NCKAP5: variants seen among roughly 807,000 people sequenced by gnomAD.
NCKAP5 encodes the protein NCK associated protein 5, also known as nck-associated protein 5.
NCKAP5 carries 92 observed loss-of-function variants against 167.0 expected under a neutral mutation model. The ratio of observed to expected loss-of-function variants is 0.55; its 90% CI spans 0.47 to 0.66. NCKAP5 has a LOEUF of 0.66. Ranked by LOEUF, NCKAP5 falls within the 30% of genes least tolerant of loss-of-function variation. The pLI, the probability that NCKAP5 is intolerant of heterozygous loss-of-function variation, is 0.00. For synonymous variants in NCKAP5, 891 were observed against 877.4 expected (o/e 1.02, Z -0.27); for missense variants, 2,378 against 2,315.0 (o/e 1.03, Z -0.56).
intron 5 of NCKAP5, among the ~76,000 whole-genome samples, chr2:133,191,109 CA>C (rs1482263029): frequency 1.3e-5 from 2 of 152,042 alleles, no homozygotes; most frequent in Admixed American, 6.6e-5. Context: ...AAAAAGTGAG[CA>C]AAGGAGATCA....
intron 6 of NCKAP5, among the ~76,000 whole-genome samples, chr2:133,124,735 T>G (rs1330680100): frequency 6.6e-6 from 1 of 152,232 alleles, no homozygotes; most frequent in East Asian, 1.9e-4. Flanking sequence ...AGTGTTTGTT[T>G]CCTGTTGAAA....
At chr2:133,567,657 CTGTGTGTGTG>C (rs3050985) in intron 1 of NCKAP5, among the ~76,000 whole-genome samples, 18,247 of 130,938 alleles carry the variant, frequency 0.14, 1,280 homozygotes, top group Middle Eastern at 0.3. Context: ...ATGAATGAGC[CTGTGTGTGTG>C]TGTGTGTGTG....
At chr2:133,170,643 T>C (rs995399785) in intron 5 of NCKAP5, among the ~76,000 whole-genome samples, 3 of 152,184 alleles carry the variant, frequency 2.0e-5, no homozygotes, top group Admixed American at 6.5e-5. Flanking sequence ...AAGAGAAATG[T>C]CATTCTGCCC....
chr2:133,118,650 G>A (rs2082158333), intron 6 of NCKAP5: 1 of 152,130 alleles, frequency 6.6e-6, no homozygotes, highest in Non-Finnish European at 1.5e-5. Context: ...ATAAAAGTCT[G>A]TAATCAAGTG....
At chr2:133,312,678 C>T (rs1681329927) in intron 3 of NCKAP5, among the ~76,000 whole-genome samples, 1 of 152,196 alleles carries the variant, frequency 6.6e-6, no homozygotes, top group Non-Finnish European at 1.5e-5. Flanking sequence ...TCTACTGACC[C>T]TAGTCTTTCT....
chr2:133,517,242 T>C (rs1441721448), intron 3 of NCKAP5, among the ~76,000 whole-genome samples: 1 of 152,244 alleles, frequency 6.6e-6, no homozygotes, highest in Non-Finnish European at 1.5e-5. Context: ...GTTGACAGAT[T>C]ATGACATTTG....
At chr2:133,498,399 G>A (rs2151378206) in intron 3 of NCKAP5, among the ~76,000 whole-genome samples, 1 of 150,582 alleles carries the variant, frequency 6.6e-6, no homozygotes, top group East Asian at 2.0e-4. Flanking sequence ...AAGAAAGGAT[G>A]AAAAGGGAGG....
intron 3 of NCKAP5, among the ~76,000 whole-genome samples, chr2:133,466,814 C>T (rs1189577565): frequency 1.3e-5 from 2 of 151,764 alleles, no homozygotes; most frequent in Non-Finnish European, 2.9e-5. Context: ...CTCTGTTTGT[C>T]TGTTGTTGGT....
chr2:132,793,776 T>A (rs987907955), intron 12 of NCKAP5, among the ~76,000 whole-genome samples: 7 of 152,104 alleles, frequency 4.6e-5, no homozygotes, highest in African/African-American at 1.7e-4. Context: ...ACAGAGTAAT[T>A]CCTTGCAAAG....
At chr2:133,028,160 T>C (rs948411858) in intron 6 of NCKAP5, among the ~76,000 whole-genome samples, 2 of 152,188 alleles carry the variant, frequency 1.3e-5, no homozygotes, top group Admixed American at 1.3e-4. Flanking sequence ...GAATAAGGGA[T>C]ACTTATCTTG....
rs112696246 is a variant in NCKAP5, at chr2:133,337,685, A to C, written c.70-34575T>G. Among the ~76,000 whole-genome samples, 1,477 of 152,298 alleles carry C rather than the reference A, an allele frequency of 9.7e-3. 26 individuals carry two copies. Among genetic ancestry groups the C allele is most frequent in the African/African-American group, 0.031 (1,305 of 41,562 alleles). ...CACACAGCAAGAAGGTGGCCATCTG[A>C]AGCTAAGGAGAGGGGTTGCAGAGGA... is the stretch of plus-strand genomic sequence containing the variant. On this transcript the variant is annotated intron_variant, in intron 3 of 19. Coordinates refer to ENST00000409261, the MANE Select transcript of NCKAP5 (RefSeq NM_207363.3).
At chr2:133,031,806 C>T (rs2078889886) in intron 6 of NCKAP5, among the ~76,000 whole-genome samples, 1 of 152,144 alleles carries the variant, frequency 6.6e-6, no homozygotes, top group Non-Finnish European at 1.5e-5. Flanking sequence ...TGGTCAGAGT[C>T]ATGAGGCCCC....
At chr2:132,691,065 C>G (rs1573882807) in intron 19 of NCKAP5, among the ~76,000 whole-genome samples, 1 of 152,194 alleles carries the variant, frequency 6.6e-6, no homozygotes, top group African/African-American at 2.4e-5. Context: ...ATTGAATTCC[C>G]TCTACTGAAA....
intron 11 of NCKAP5, among the ~76,000 whole-genome samples, chr2:132,834,121 T>C (rs1038831843): frequency 3.3e-5 from 5 of 152,198 alleles, no homozygotes; most frequent in Non-Finnish European, 7.4e-5. Flanking sequence ...TAGAGTCTTT[T>C]TGTTTTTCTA....
At chr2:133,556,500 C>T (rs181485090) in intron 2 of NCKAP5, among the ~76,000 whole-genome samples, 1 of 152,160 alleles carries the variant, frequency 6.6e-6, no homozygotes, top group Non-Finnish European at 1.5e-5. Context: ...TGTTATGAAA[C>T]CCATAAAGAT....
intron 3 of NCKAP5, among the ~76,000 whole-genome samples, chr2:133,378,066 C>A (rs993382361): frequency 6.6e-6 from 1 of 152,028 alleles, no homozygotes; most frequent in African/African-American, 2.4e-5. Context: ...TAAAAAGATA[C>A]CTTAATAGCT....
At chr2:133,664,176 C>T in the NCKAP5 span, among the ~76,000 whole-genome samples, 1 of 151,234 alleles carries the variant, frequency 6.6e-6, no homozygotes, top group Admixed American at 6.6e-5. Flanking sequence ...TTTTTCTGAA[C>T]AGGAGGTCTT....
intron 3 of NCKAP5, among the ~76,000 whole-genome samples, chr2:133,459,337 G>A (rs182495205): frequency 1.4e-4 from 22 of 152,042 alleles, no homozygotes; most frequent in South Asian, 1.0e-3. Flanking sequence ...ACCACATTTC[G>A]CCCAAATTGA....
chr2:133,521,876 T>G (rs1684505588), intron 2 of NCKAP5, among the ~76,000 whole-genome samples: 1 of 152,194 alleles, frequency 6.6e-6, no homozygotes, highest in Non-Finnish European at 1.5e-5. Flanking sequence ...GTTCTATTAA[T>G]CAAATTCCTA....
Sources: allele counts gnomAD v4.1 joint callset (sites outside exome capture counted in the v4.1 genomes callset), GRCh38; gene constraint gnomAD v4.1.1; transcripts MANE v1.5; gene names NCBI Gene and HGNC (gene_info 2026-07-23, HGNC 2026-07-21).